The following NEURL1B variants were observed in gnomAD, a reference collection of about 807,000 sequenced individuals.
NEURL1B encodes the protein neuralized E3 ubiquitin protein ligase 1B.
A neutral mutation model predicts 37.4 loss-of-function variants in NEURL1B; 13 were observed. The ratio of observed to expected loss-of-function variants is 0.35; its 90% CI spans 0.23 to 0.55. NEURL1B has a LOEUF of 0.55. NEURL1B is among the 20% of genes least tolerant of loss of function. NEURL1B has a pLI of 0.89. For synonymous variants in NEURL1B, 432 were observed against 426.6 expected, an observed-to-expected ratio of 1.01 and a Z score of -0.16; for missense variants, 790 against 879.2, an observed-to-expected ratio of 0.90 and a Z score of 1.28.
chr5:172,684,283 C>T (rs541100583), intron 3 of NEURL1B, 145 bp downstream of exon 3: 2 of 696,120 alleles, frequency 2.9e-6, no homozygotes, highest in African/African-American at 1.9e-5. Context: ...CTTTAAGCGC[C>T]CGGGCACGAT....
intron 2 of NEURL1B, among the ~76,000 whole-genome samples, chr5:172,672,473 T>C (rs7720316): frequency 0.2 from 30,671 of 151,474 alleles, 4,234 homozygotes; most frequent in African/African-American, 0.4. Flanking sequence ...TTCGGATTTT[T>C]AAAAATACAA....
rs561063702 is a variant in NEURL1B, at chr5:172,679,443, G to A, written c.578-3976G>A. On this transcript the variant is annotated intron_variant, in intron 2 of 4. Coordinates refer to ENST00000369800, the MANE Select transcript of NEURL1B (RefSeq NM_001142651.3). ...CCACCGGTAGAAGCTGGGCAGTCTC[G>A]ACACGCTCCCTCGGTGCCTCTTGAT... Among the ~76,000 whole-genome samples the A allele has an allele frequency of 3.3e-5, 5 of 152,242 alleles. No homozygotes were observed. In the South Asian group the frequency reaches 1.0e-3, roughly 32 times the overall value.
At position 172,641,492 on chromosome 5, in the gene NEURL1B, G is replaced by T. The variant is rs1386888549; in HGVS notation, c.31+55G>T. 8 of 1,244,188 alleles carry T rather than the reference G, an allele frequency of 6.4e-6. No individual in the cohort carries two copies. The highest frequency in any genetic ancestry group is 8.1e-6 in the Non-Finnish European group (8 of 991,076). The allele number at this position is 1,244,188 out of a possible 1,614,324, so 77.1% of individuals were successfully genotyped here. A position where few individuals can be genotyped will look rare whatever the true frequency, so the allele number is the denominator to read the frequency against. Reference sequence around the variant, plus strand: ...GGCGCCGGGCTTCTCTCCTCCGGGGGACCCGCTGGGTGACTCTGGAGAGCT... The same window carrying T: ...GGCGCCGGGCTTCTCTCCTCCGGGGTACCCGCTGGGTGACTCTGGAGAGCT... On this transcript the variant is annotated intron_variant, in intron 1 of 4. Coordinates refer to ENST00000369800, the MANE Select transcript of NEURL1B (RefSeq NM_001142651.3). This position sits in a 1 kb window ranked among gnomAD's most constrained non-coding sequence, Gnocchi z 6.4.
At position 172,675,796 on chromosome 5, in the gene NEURL1B, G is replaced by A. The variant is rs1758221982; in HGVS notation, c.577+5466G>A. Among the ~76,000 whole-genome samples, 1 of 152,220 alleles carries A rather than the reference G, an allele frequency of 6.6e-6. No individual in the cohort carries two copies. The highest frequency in any genetic ancestry group is 2.1e-4 in the South Asian group (1 of 4,836). On this transcript the variant is annotated intron_variant, in intron 2 of 4. Transcript: ENST00000369800. This position sits in a 1 kb window ranked among gnomAD's most constrained non-coding sequence, Gnocchi z 4.7. ...AATCTGATATCCGAAAATCACTGTT[G>A]ATGATTCTAGATTAGTGTTTTTTCA... is the stretch of plus-strand genomic sequence containing the variant.
intron 1 of NEURL1B, among the ~76,000 whole-genome samples, chr5:172,660,885 C>A (rs1400221217): frequency 1.3e-5 from 2 of 152,116 alleles, no homozygotes; most frequent in Non-Finnish European, 2.9e-5. Flanking sequence ...TCCACCTCGG[C>A]CTTACAAAGT....
At position 172,657,097 on chromosome 5, in the gene NEURL1B, C is replaced by G. The variant is rs1757811302; in HGVS notation, c.32-12688C>G. 1.3e-5 allele frequency among the ~76,000 whole-genome samples: 2 copies of G among 152,244 alleles called. No homozygotes were observed. Among genetic ancestry groups the G allele is most frequent in the African/African-American group, 4.8e-5 (2 of 41,464 alleles). ...CTGGTTGGCTAGGGAAGCAATTCTG[C>G]ATGATAACCAACAGCATGCATGGGC... On this transcript the variant is annotated intron_variant, in intron 1 of 4. Coordinates refer to ENST00000369800, the MANE Select transcript of NEURL1B (RefSeq NM_001142651.3). This position sits in a 1 kb window ranked among gnomAD's most constrained non-coding sequence, Gnocchi z 4.0.
intron 3 of NEURL1B, 59 bp downstream of exon 3, chr5:172,684,197 A>T (rs950156025): frequency 9.2e-7 from 1 of 1,088,210 alleles, no homozygotes; most frequent in Admixed American, 6.9e-5. Context: ...GTGCCGTCTC[A>T]CCCCGCTGCG....
Position 172,686,729 on chromosome 5 carries a change from C to A in NEURL1B, c.1472C>A (p.Ser491Tyr). 1 of 1,551,360 alleles carries A rather than the reference C, an allele frequency of 6.4e-7. No homozygotes were observed. The highest frequency in any genetic ancestry group is 1.4e-5 in the African/African-American group (1 of 73,172). ...AGCCCCCCGGTGTCCCCCGTGTTCT[C>A]CCCACCGGAGCCGGCAGGCATCAAG... ...PLSPPVSPVFSPPEPAGIKNG... is the reference protein window; with the variant it reads ...PLSPPVSPVFYPPEPAGIKNG... Residue 491 changes from serine (S) to tyrosine (Y), a missense_variant, in exon 5 of 5, where the codon TCC (serine) becomes TAC (tyrosine). This residue lies in a region of NEURL1B where 115 missense variants were observed against 162.6 expected (regional missense o/e 0.71). Transcript: ENST00000369800. The surrounding 1 kb of genome is among the most constrained non-coding windows in gnomAD (Gnocchi z 7.9).
chr5:172,642,618 C>T (rs921703082), intron 1 of NEURL1B, among the ~76,000 whole-genome samples: 7 of 152,178 alleles, frequency 4.6e-5, no homozygotes. Flanking sequence ...TCCCCTGGAG[C>T]GGGTTGAAGT....
intron 1 of NEURL1B, among the ~76,000 whole-genome samples, chr5:172,645,861 A>G (rs1183321396): frequency 1.3e-5 from 2 of 152,118 alleles, no homozygotes; most frequent in Non-Finnish European, 2.9e-5. Context: ...CAGAGAGGGA[A>G]AGTCAGCACC....
chr5:172,683,599 A>G lies in NEURL1B; in HGVS notation c.758A>G (p.Asp253Gly). 7.9e-7 allele frequency: 1 copy of G among 1,272,260 alleles called. No homozygotes were observed. Among genetic ancestry groups the G allele is most frequent in the Non-Finnish European group, 9.9e-7 (1 of 1,009,590 alleles). The allele number at this position is 1,272,260 out of a possible 1,614,324, so 78.8% of individuals were successfully genotyped here. A position where few individuals can be genotyped will look rare whatever the true frequency, so the allele number is the denominator to read the frequency against. ...LGRAPGPPPA[D>G]AAAAAIPCGP... ...CGCGCCCCGGGCCCACCGCCAGCCGACGCCGCGGCCGCCGCCATTCCGTGC... is the reference window on the plus strand; with the variant it reads ...CGCGCCCCGGGCCCACCGCCAGCCGGCGCCGCGGCCGCCGCCATTCCGTGC... The change falls in exon 3 of 5, where the codon GAC becomes GGC. Residue 253 changes from aspartate to glycine, a missense_variant. Asp to Gly is a moderately conservative substitution (Grantham distance 94). Around this residue, in one of 3 missense-constraint regions of NEURL1B, gnomAD observed 460 missense variants for 407.4 expected, o/e 1.13. Transcript: ENST00000369800. This position sits in a 1 kb window ranked among gnomAD's most constrained non-coding sequence, Gnocchi z 5.6.
chr5:172,680,794 TTA>T (rs1411388930), intron 2 of NEURL1B, among the ~76,000 whole-genome samples: 1 of 152,220 alleles, frequency 6.6e-6, no homozygotes, highest in East Asian at 1.9e-4. Flanking sequence ...TCATTTGATG[TTA>T]TATCATAGGT....
intron 2 of NEURL1B, among the ~76,000 whole-genome samples, chr5:172,682,669 A>G (rs59949931): frequency 0.13 from 19,909 of 152,234 alleles, 1,328 homozygotes; most frequent in African/African-American, 0.16. Flanking sequence ...ACACCTATCC[A>G]GGGCCAGGCA....
chr5:172,681,230 A>C (rs911552933), intron 2 of NEURL1B, among the ~76,000 whole-genome samples: 1 of 152,238 alleles, frequency 6.6e-6, no homozygotes, highest in African/African-American at 2.4e-5. Context: ...ACACAAATCC[A>C]AACCATATCA....
intron 1 of NEURL1B, among the ~76,000 whole-genome samples, chr5:172,652,702 G>T (rs1757690153): frequency 6.6e-6 from 1 of 152,218 alleles, no homozygotes; most frequent in South Asian, 2.1e-4. Context: ...AGTCAGGAGG[G>T]ATAGAGGTAC....
At chr5:172,663,829 T>TTTTTTTTTATTATTATTATTA (rs138220033) in intron 1 of NEURL1B, among the ~76,000 whole-genome samples, 4,907 of 140,778 alleles carry the variant, frequency 0.035, 145 homozygotes, top group Non-Finnish European at 0.053. Context: ...GTTTTATTTG[T>TTTTTTTTTATTATTATTATTA]TTATTATTAT....
chr5:172,683,457 A>T lies in NEURL1B; in HGVS notation c.616A>T (p.Ser206Cys). ...FADTLTPARLSQARFSACLPP... is the reference protein window; with the variant it reads ...FADTLTPARLCQARFSACLPP... ...TGACACGCTGACGCCCGCGCGCCTC[A>T]GCCAGGCCCGCTTCAGCGCCTGCCT... Residue 206 changes from serine to cysteine, a missense_variant, in exon 3 of 5, where the codon AGC becomes TGC. Coordinates refer to ENST00000369800, the MANE Select transcript of NEURL1B (RefSeq NM_001142651.3). The surrounding 1 kb of genome is among the most constrained non-coding windows in gnomAD (Gnocchi z 5.6). The T allele has an allele frequency of 6.8e-7, 1 of 1,468,766 alleles. No homozygotes were observed. The highest frequency in any genetic ancestry group is 9.0e-7 in the Non-Finnish European group (1 of 1,113,472). The allele number at this position is 1,468,766 out of a possible 1,614,324, so 91.0% of individuals were successfully genotyped here. A position where few individuals can be genotyped will look rare whatever the true frequency, so the allele number is the denominator to read the frequency against.
rs552438526 is a variant in NEURL1B, at chr5:172,686,795, C to T, written c.1538C>T (p.Thr513Met). 5.8e-6 allele frequency: 9 copies of T among 1,552,084 alleles called. No individual in the cohort carries two copies. Among genetic ancestry groups the T allele is most frequent in the Non-Finnish European group, 5.2e-6 (6 of 1,147,430 alleles). ...CTVCFDGEVD[T>M]VIYTCGHMCL... Reference sequence around the variant, plus strand: ...GTGTGCTTCGATGGCGAGGTGGACACGGTCATCTACACGTGTGGACACATG... The same window carrying T: ...GTGTGCTTCGATGGCGAGGTGGACATGGTCATCTACACGTGTGGACACATG... The change falls in exon 5 of 5, where the codon ACG becomes ATG. Residue 513 changes from threonine (T) to methionine (M), a missense_variant. Around this residue, in one of 3 missense-constraint regions of NEURL1B, gnomAD observed 115 missense variants for 162.6 expected, o/e 0.71. Transcript: ENST00000369800. The surrounding 1 kb of genome is among the most constrained non-coding windows in gnomAD (Gnocchi z 7.9).
chr5:172,680,508 A>G (rs1758328931), intron 2 of NEURL1B, among the ~76,000 whole-genome samples: 1 of 152,216 alleles, frequency 6.6e-6, no homozygotes, highest in African/African-American at 2.4e-5. Context: ...AGTGCATTGC[A>G]CCGACACTTC....
Sources: gnomAD v4.1 joint callset for allele counts (sites outside exome capture counted in the v4.1 genomes callset) on GRCh38, gnomAD v4.1.1 for gene constraint, gnomAD v4.1.1 regional missense constraint, Gnocchi (gnomAD v3.1) non-coding constraint, MANE v1.5 for transcripts, NCBI Gene and HGNC (gene_info 2026-07-23, HGNC 2026-07-21) for gene names.